Variants in DSE observed in about 807,000 individuals in gnomAD.
The protein encoded by DSE is dermatan sulfate epimerase.
In DSE, 36 loss-of-function variants were observed where a neutral mutation model predicts 84.4. That is an observed-to-expected ratio of 0.43 (90% CI 0.33 to 0.56). DSE has a LOEUF of 0.56. DSE is among the 20% of genes least tolerant of loss of function. DSE has a pLI of 0.06. For synonymous variants in DSE, 410 were observed against 430.1 expected (o/e 0.95, Z 0.58); for missense variants, 862 against 1,169.6 (o/e 0.74, Z 3.84).
chr6:116,294,411 A>T (rs1562209846), intron 2 of DSE, among the ~76,000 whole-genome samples: 1 of 152,230 alleles, frequency 6.6e-6, no homozygotes, highest in Non-Finnish European at 1.5e-5. Context: ...AGTAATCAGA[A>T]TTGTATTGAC....
chr6:116,292,397 C>T (rs907043705), intron 2 of DSE, among the ~76,000 whole-genome samples: 4 of 151,980 alleles, frequency 2.6e-5, no homozygotes, highest in South Asian at 2.1e-4. Flanking sequence ...CCGAATTGGG[C>T]GGCAGCTATA....
chr6:116,426,495 T>C (rs1783462231), intron 2 of DSE, 79 bp from the exon 3 acceptor site: 4 of 1,544,716 alleles, frequency 2.6e-6, no homozygotes, highest in Non-Finnish European at 2.6e-6. Flanking sequence ...CCTTTAGTTC[T>C]GAGAAATAGA....
At position 116,436,706 on chromosome 6, in the gene DSE, G is replaced by A. The variant is rs1215547399; in HGVS notation, c.2238G>A (p.Leu746=). The A allele has an allele frequency of 6.2e-7, 1 of 1,614,066 alleles. No homozygotes were observed. The highest frequency in any genetic ancestry group is 8.5e-7 in the Non-Finnish European group (1 of 1,180,032). Residue 746 remains leucine, a synonymous_variant, in exon 6 of 6, where the codon TTG becomes TTA. Transcript: ENST00000644252. ...ATGCTGCTATTGTGGAACAGAACTT[G>A]CAGCATTTTAAACCAGTGTTTCAGC... ...KDYAAIVEQN[L]QHFKPVFQLL...
At chr6:116,392,109 T>C (rs1780948192) in intron 1 of DSE, among the ~76,000 whole-genome samples, 1 of 152,336 alleles carries the variant, frequency 6.6e-6, no homozygotes, top group East Asian at 1.9e-4. Flanking sequence ...TGAAATAGTA[T>C]GTGAGACCAC....
At chr6:116,328,849 C>G (rs1477449625) in intron 2 of DSE, among the ~76,000 whole-genome samples, 1 of 151,850 alleles carries the variant, frequency 6.6e-6, no homozygotes, top group Non-Finnish European at 1.5e-5. Context: ...TATGGGATAC[C>G]AAGGATGGGA....
chr6:116,254,289 C>G, exon 1 of DSE: 1 of 650,564 alleles, frequency 1.5e-6, no homozygotes, highest in Admixed American at 2.1e-5. Context: ...AGACCAGACT[C>G]AAGCATGTAA....
chr6:116,420,500 A>T (rs1022194558), intron 2 of DSE, among the ~76,000 whole-genome samples: 4 of 152,188 alleles, frequency 2.6e-5, no homozygotes, highest in African/African-American at 7.2e-5. Context: ...ACACAGTAAG[A>T]TGGCGGCGGC....
intron 2 of DSE, among the ~76,000 whole-genome samples, chr6:116,419,409 A>G (rs770067327): frequency 3.9e-5 from 6 of 152,232 alleles, no homozygotes; most frequent in African/African-American, 1.2e-4. Context: ...GTCTTAACTT[A>G]TTGGAGTTTG....
intron 2 of DSE, chr6:116,276,851 CACTT>C (rs1773166071): frequency 6.6e-6 from 1 of 152,266 alleles, no homozygotes. Context: ...AAAGATATAT[CACTT>C]ACTAAGTTGT....
chr6:116,298,237 C>T lies in DSE; in HGVS notation c.-54+39270C>T, dbSNP rs556712920. On this transcript the variant is annotated intron_variant, in intron 2 of 3. Transcript: ENST00000430252. ...ATGCCCTCCCCCCAGGAAAGATGTC[C>T]ATGTTCTAGTCTTCATAACCTGTGA... is the stretch of plus-strand genomic sequence containing the variant. Among the ~76,000 whole-genome samples, 318 of 152,234 alleles carry T rather than the reference C, an allele frequency of 2.1e-3. 3 individuals are homozygous for T. The highest frequency in any genetic ancestry group is 7.4e-3 in the African/African-American group (306 of 41,542).
intron 2 of DSE, chr6:116,279,135 C>T: frequency 1.2e-6 from 2 of 1,614,090 alleles, no homozygotes; most frequent in Non-Finnish European, 1.7e-6. Flanking sequence ...GGATGGCCTC[C>T]AGAGGGTCCA....
chr6:116,317,329 G>A (rs934105045), intron 2 of DSE, among the ~76,000 whole-genome samples: 3 of 152,242 alleles, frequency 2.0e-5, no homozygotes, highest in African/African-American at 7.2e-5. Flanking sequence ...GCCCCCTGCA[G>A]TCAAAATCTA....
rs1224451177 is a variant in DSE at position 116,440,161 on chromosome 6, C to G, written c.*2816C>G. On this transcript the variant is annotated 3_prime_UTR_variant, in exon 6 of 6. Coordinates refer to ENST00000644252, the MANE Select transcript of DSE (RefSeq NM_013352.4). Reference sequence around the variant, plus strand: ...TCACCTAAGATAATGAATTCTTCCACAAATATTTTAGTCATAGTTTTTAAG... The same window carrying G: ...TCACCTAAGATAATGAATTCTTCCAGAAATATTTTAGTCATAGTTTTTAAG... 1.3e-5 allele frequency: 2 copies of G among 152,006 alleles called. No individual in the cohort carries two copies. The highest frequency in any genetic ancestry group is 4.8e-5 in the African/African-American group (2 of 41,366). The allele number at this position is 152,006 out of a possible 1,614,324, so 9.4% of individuals were successfully genotyped here.
At chr6:116,352,155 A>G (rs1035609461) in intron 2 of DSE, among the ~76,000 whole-genome samples, 1 of 152,236 alleles carries the variant, frequency 6.6e-6, no homozygotes, top group African/African-American at 2.4e-5. Flanking sequence ...AAAGGAACCA[A>G]TTAGATGTCT....
chr6:116,333,708 T>C (rs1777083836), intron 2 of DSE, among the ~76,000 whole-genome samples: 1 of 152,202 alleles, frequency 6.6e-6, no homozygotes, highest in Non-Finnish European at 1.5e-5. Flanking sequence ...TCTTTCTCAT[T>C]CTCAACCACA....
intron 2 of DSE, among the ~76,000 whole-genome samples, chr6:116,406,165 G>A (rs946079017): frequency 1.3e-5 from 2 of 152,096 alleles, no homozygotes; most frequent in African/African-American, 2.4e-5. Flanking sequence ...TCACTTGCTC[G>A]CCTACCTCCC....
intron 2 of DSE, among the ~76,000 whole-genome samples, chr6:116,307,475 A>G (rs185438750): frequency 1.3e-5 from 2 of 152,296 alleles, no homozygotes; most frequent in Admixed American, 1.3e-4. Flanking sequence ...TCTGAAAAGA[A>G]CCTTTTCTTC....
rs143312750 is a variant in DSE, at chr6:116,436,118, C to T, written c.1650C>T (p.Asn550=). The T allele has an allele frequency of 2.5e-6, 4 of 1,612,818 alleles. No homozygotes were observed. The highest frequency in any genetic ancestry group is 3.4e-6 in the Non-Finnish European group (4 of 1,180,014). ...EGVGAYNPQL[N]LKNVQRNLIL... The stretch of plus-strand genomic sequence containing the variant: ...TGGGAGCTTATAACCCCCAGCTCAA[C>T]CTGAAGAATGTTCAGAGGAATCTCA... Residue 550 remains asparagine (N), a synonymous_variant, in exon 6 of 6, where the codon AAC becomes AAT. Transcript: ENST00000644252.
chr6:116,401,138 A>G (rs760169418), intron 2 of DSE: 2 of 152,210 alleles, frequency 1.3e-5, no homozygotes, highest in African/African-American at 2.4e-5. Context: ...ACAATACAGT[A>G]ACATGAGAAT....
Sources: gnomAD v4.1 joint callset for allele counts (sites outside exome capture counted in the v4.1 genomes callset) on GRCh38, gnomAD v4.1.1 for gene constraint, MANE v1.5 for transcripts, NCBI Gene and HGNC (gene_info 2026-07-23, HGNC 2026-07-21) for gene names.